Variants in GRIA3 observed in about 807,000 individuals in gnomAD.
GRIA3 encodes glutamate ionotropic receptor AMPA type subunit 3.
In GRIA3, 3 loss-of-function variants were observed where a neutral mutation model predicts 63.0. That is an observed-to-expected ratio of 0.05 (90% CI 0.02 to 0.12). GRIA3 has a LOEUF of 0.12. Among genes scored for constraint, GRIA3 ranks in the 10% least tolerant of loss-of-function variants. The pLI is 1.00. For missense variants in GRIA3, 347 were observed against 700.9 expected (o/e 0.50, Z 5.70); for synonymous variants, 274 against 257.9 (o/e 1.06, Z -0.60).
At chrX:123,351,226 G>GA (rs2045092074) in intron 4 of GRIA3, among the ~76,000 whole-genome samples, 1 of 111,675 alleles carries the variant, frequency 9.0e-6, no homozygotes, top group Non-Finnish European at 1.9e-5. Flanking sequence ...AGGGTGAGCT[G>GA]AACAAGAACC....
chrX:123,436,493 A>G (rs1457816948), intron 12 of GRIA3, among the ~76,000 whole-genome samples: 1 of 112,267 alleles, frequency 8.9e-6, no homozygotes, highest in African/African-American at 3.2e-5. Flanking sequence ...CAACTTCAAT[A>G]TGCACAATTT....
intron 2 of GRIA3, among the ~76,000 whole-genome samples, chrX:123,218,738 C>T (rs1022334348): frequency 9.0e-6 from 1 of 111,589 alleles, no homozygotes; most frequent in Admixed American, 9.5e-5. Context: ...CTCCTTCCTA[C>T]TTCATAGCTC....
At chrX:123,481,786 A>G (rs1291484134) in intron 14 of GRIA3, among the ~76,000 whole-genome samples, 10 of 111,751 alleles carry the variant, frequency 8.9e-5, no homozygotes, top group African/African-American at 2.9e-4. Context: ...TTTTCTTTCC[A>G]TTGTTCAGCA....
intron 4 of GRIA3, among the ~76,000 whole-genome samples, chrX:123,345,988 T>C (rs1322687454): frequency 8.9e-6 from 1 of 111,845 alleles, no homozygotes; most frequent in East Asian, 2.8e-4. Flanking sequence ...TGTTAAGAAC[T>C]ATAGATACAT....
At position 123,489,267 on chromosome X, in the gene GRIA3, TTGG is replaced by T. The variant is rs1204063362; in HGVS notation, c.*563_*565del. The T allele has an allele frequency of 1.8e-5, 2 of 112,648 alleles. No homozygotes were observed. The highest frequency in any genetic ancestry group is 3.8e-5 in the Non-Finnish European group (2 of 53,287). 9.3% of individuals were successfully genotyped at this position (112,648 alleles called of 1,213,427 possible). On this transcript the variant is annotated 3_prime_UTR_variant, in exon 16 of 16. Transcript: ENST00000620443. Reference sequence around the variant, plus strand: ...GACCAGATGTTTTTGGTATTTCCTGTTGGTGGTGATGTTCTGTGCACTCTATTT... The same window carrying T: ...GACCAGATGTTTTTGGTATTTCCTGTTGGTGATGTTCTGTGCACTCTATTT...
At chrX:123,441,295 T>C (rs2045672626) in intron 12 of GRIA3, among the ~76,000 whole-genome samples, 1 of 111,702 alleles carries the variant, frequency 9.0e-6, no homozygotes, top group Non-Finnish European at 1.9e-5. Flanking sequence ...TTGTGAGAAA[T>C]AGCATATGTA....
chrX:123,280,812 C>T (rs894979415), intron 3 of GRIA3, among the ~76,000 whole-genome samples: 1 of 111,681 alleles, frequency 9.0e-6, no homozygotes, highest in Admixed American at 9.5e-5. Flanking sequence ...TCAAGGACAA[C>T]GGAAGAGGAC....
At chrX:123,305,134 C>T (rs182185132) in intron 3 of GRIA3, among the ~76,000 whole-genome samples, 4 of 112,029 alleles carry the variant, frequency 3.6e-5, no homozygotes, top group Non-Finnish European at 7.5e-5. Context: ...GCTGGAGAAG[C>T]TTGCCTGAGC....
rs148805881 is a variant in GRIA3 at position 123,274,340 on chromosome X, A to C, written c.508+20798A>C. On this transcript the variant is annotated intron_variant, in intron 3 of 15. Transcript: ENST00000620443. Reference sequence around the variant, plus strand: ...GTACCTATTAGGCATCTGCTTCCTCATGACACTTGCTTGTGACCAATCCTA... The same window carrying C: ...GTACCTATTAGGCATCTGCTTCCTCCTGACACTTGCTTGTGACCAATCCTA... Among the ~76,000 whole-genome samples, 47 of 111,914 alleles carry C rather than the reference A, an allele frequency of 4.2e-4. No homozygotes were observed. The East Asian group carries it at 0.012, about 28-fold the overall frequency.
intron 12 of GRIA3, among the ~76,000 whole-genome samples, chrX:123,463,724 G>A (rs867111493): frequency 0.031 from 2,225 of 71,976 alleles, 324 homozygotes; most frequent in African/African-American, 0.12. Context: ...AAGAAAGAAA[G>A]AGAAAGAAGA....
At chrX:123,301,083 T>A (rs1380054267) in intron 3 of GRIA3, among the ~76,000 whole-genome samples, 3 of 111,363 alleles carry the variant, frequency 2.7e-5, no homozygotes, top group Admixed American at 9.6e-5. Context: ...GTGCTTTACT[T>A]CTGATCACGT....
At chrX:123,427,521 A>G (rs2045596035) in intron 11 of GRIA3, among the ~76,000 whole-genome samples, 1 of 110,898 alleles carries the variant, frequency 9.0e-6, no homozygotes, top group South Asian at 3.8e-4. Flanking sequence ...GAAGCAGGAG[A>G]TGGTAAAAAA....
intron 2 of GRIA3, among the ~76,000 whole-genome samples, chrX:123,198,011 T>C (rs1927620736): frequency 8.9e-6 from 1 of 112,319 alleles, no homozygotes; most frequent in Non-Finnish European, 1.9e-5. Context: ...TCCATACTGT[T>C]CATTCTCCTC....
chrX:123,201,065 A>T (rs753107669), intron 2 of GRIA3, among the ~76,000 whole-genome samples: 2 of 112,340 alleles, frequency 1.8e-5, no homozygotes, highest in Admixed American at 9.4e-5. Context: ...GTAAAAATTG[A>T]AAGATAAAAT....
chrX:123,484,504 G>A (rs774155940), intron 15 of GRIA3, among the ~76,000 whole-genome samples: 8 of 111,146 alleles, frequency 7.2e-5, no homozygotes, highest in East Asian at 2.8e-4. Flanking sequence ...TTTTTGAGGC[G>A]GAATTTCACT....
intron 10 of GRIA3, among the ~76,000 whole-genome samples, chrX:123,415,909 G>C (rs144685061): frequency 2.9e-4 from 33 of 111,976 alleles, no homozygotes; most frequent in African/African-American, 1.1e-3. Context: ...GGTTGGCTAA[G>C]GTTGATAATT....
chrX:123,191,114 T>A (rs906083820), intron 2 of GRIA3, among the ~76,000 whole-genome samples: 1 of 112,347 alleles, frequency 8.9e-6, no homozygotes, highest in Non-Finnish European at 1.9e-5. Flanking sequence ...CCAGATGATT[T>A]CCCTGTCAAC....
rs545823992 is a variant in GRIA3 at position 123,352,375 on chromosome X, C to T, written c.697-2535C>T. Among the ~76,000 whole-genome samples the T allele has an allele frequency of 4.1e-4, 46 of 112,780 alleles. No individual in the cohort carries two copies. The East Asian group carries it at 7.3e-3, about 18-fold the overall frequency. On this transcript the variant is annotated intron_variant, in intron 4 of 15. Coordinates refer to ENST00000620443, the MANE Select transcript of GRIA3 (RefSeq NM_007325.5). The stretch of plus-strand genomic sequence containing the variant: ...GATTACAGGCGTAAGCCACCGCACC[C>T]AGCCTCAAACACTTTTGGAGACATT...
At chrX:123,275,758 T>G (rs745636987) in intron 3 of GRIA3, among the ~76,000 whole-genome samples, 3 of 112,133 alleles carry the variant, frequency 2.7e-5, no homozygotes, top group Non-Finnish European at 3.8e-5. Flanking sequence ...TTAAGTTGGC[T>G]GATATCTTAG....
Sources: gnomAD v4.1 joint callset for allele counts (sites outside exome capture counted in the v4.1 genomes callset) on GRCh38, gnomAD v4.1.1 for gene constraint, MANE v1.5 for transcripts, NCBI Gene and HGNC (gene_info 2026-07-23, HGNC 2026-07-21) for gene names.